The following POU6F2 variants were observed in gnomAD, a reference collection of about 807,000 sequenced individuals.
POU6F2 encodes POU domain, class 6, transcription factor 2.
In POU6F2, 31 loss-of-function variants were observed where a neutral mutation model predicts 71.3. That is an observed-to-expected ratio of 0.43 (90% CI 0.33 to 0.59). The LOEUF (loss-of-function observed/expected upper bound fraction) is 0.59. Among genes scored for constraint, POU6F2 ranks in the 20% least tolerant of loss-of-function variants. The probability of loss-of-function intolerance (pLI) is 0.04; values close to 1 mark genes in which losing one functional copy is unlikely to be tolerated. For synonymous variants in POU6F2, 347 were observed against 355.7 expected (o/e 0.98, Z 0.27); for missense variants, 783 against 856.8 (o/e 0.91, Z 1.07).
At chr7:39,064,691 A>G (rs1207016125) in intron 1 of POU6F2, among the ~76,000 whole-genome samples, 3 of 151,928 alleles carry the variant, frequency 2.0e-5, no homozygotes, top group Non-Finnish European at 4.4e-5. Flanking sequence ...CATTAAAAAT[A>G]TGACAGCAGA....
intron 2 of POU6F2, among the ~76,000 whole-genome samples, chr7:39,196,476 G>A (rs904514697): frequency 7.2e-5 from 11 of 152,144 alleles, no homozygotes; most frequent in African/African-American, 2.4e-4. Flanking sequence ...CACTAATTTG[G>A]GCCGGGCGCA....
intron 1 of POU6F2, among the ~76,000 whole-genome samples, chr7:39,029,573 T>C (rs757777384): frequency 1.3e-5 from 2 of 152,102 alleles, no homozygotes; most frequent in Non-Finnish European, 2.9e-5. Context: ...AAGCCCTGAC[T>C]TCACAACACC....
In POU6F2 at chr7:39,464,679, A is replaced by G. The variant is rs1789028320; in HGVS notation, c.2156A>G (p.Asn719Ser). 6.3e-7 allele frequency: 1 copy of G among 1,597,898 alleles called. No homozygotes were observed. ...LEPLTDSLEE[N>S]S ...CCCTTAACAGACTCTCTGGAAGAAAACTCCTAAAGAGATGCCCACCCATAA... is the reference window on the plus strand; with the variant it reads ...CCCTTAACAGACTCTCTGGAAGAAAGCTCCTAAAGAGATGCCCACCCATAA... The change falls in exon 10 of 10, where the codon AAC becomes AGC. Residue 719 changes from asparagine (N) to serine (S), a missense_variant. Physicochemically the swap from Asn to Ser is conservative, Grantham distance 46. Around this residue, in one of 2 missense-constraint regions of POU6F2, gnomAD observed 211 missense variants for 283.9 expected, o/e 0.74. Coordinates refer to ENST00000518318, the MANE Select transcript of POU6F2 (RefSeq NM_001370959.1). This position sits in a 1 kb window ranked among gnomAD's most constrained non-coding sequence, Gnocchi z 4.1.
intron 2 of POU6F2, among the ~76,000 whole-genome samples, chr7:39,134,238 G>A (rs113361635): frequency 2.8e-4 from 43 of 152,058 alleles, no homozygotes; most frequent in African/African-American, 1.0e-3. Flanking sequence ...TTACTTTATT[G>A]CCGAATGATG....
chr7:39,194,675 C>T (rs977194004), intron 2 of POU6F2, among the ~76,000 whole-genome samples: 32 of 77,922 alleles, frequency 4.1e-4, no homozygotes, highest in African/African-American at 1.2e-3. Context: ...TAACCCACTC[C>T]GGTCCCCTTC....
intron 4 of POU6F2, among the ~76,000 whole-genome samples, chr7:39,275,645 CA>C (rs1287115464): frequency 6.6e-6 from 1 of 152,206 alleles, no homozygotes; most frequent in Non-Finnish European, 1.5e-5. Context: ...TACCTGACTT[CA>C]AACTATACTA....
chr7:38,983,395 C>CTT (rs5883668), intron 1 of POU6F2, among the ~76,000 whole-genome samples: 8 of 130,572 alleles, frequency 6.1e-5, no homozygotes, highest in African/African-American at 2.3e-4. Flanking sequence ...TCCCTCCTTT[C>CTT]TTTTTTTTTT....
intron 6 of POU6F2, among the ~76,000 whole-genome samples, chr7:39,420,517 G>A (rs546708304): frequency 2.8e-4 from 43 of 152,186 alleles, no homozygotes; most frequent in Non-Finnish European, 5.6e-4. Context: ...CATCTAGACT[G>A]GTTCCTGAAA....
Position 39,173,763 on chromosome 7 carries a change from G to A in POU6F2, c.278-30472G>A, listed in dbSNP as rs531727988. 2.0e-5 allele frequency among the ~76,000 whole-genome samples: 3 copies of A among 152,248 alleles called. No individual in the cohort carries two copies. The East Asian group carries it at 5.8e-4, about 29-fold the overall frequency. Reference sequence around the variant, plus strand: ...GGCTCCTTTTGGTCCTCCTCTAATAGAGGCCTACACTATTTCCTCCTGGCC... The same window carrying A: ...GGCTCCTTTTGGTCCTCCTCTAATAAAGGCCTACACTATTTCCTCCTGGCC... On this transcript the variant is annotated intron_variant, in intron 2 of 9. Coordinates refer to ENST00000518318, the MANE Select transcript of POU6F2 (RefSeq NM_001370959.1).
intron 8 of POU6F2, among the ~76,000 whole-genome samples, chr7:39,455,550 T>G (rs1788781031): frequency 6.6e-6 from 1 of 152,208 alleles, no homozygotes. Flanking sequence ...TTACATAACA[T>G]AGTTAATTAA....
chr7:39,431,197 C>G (rs1788090982), intron 6 of POU6F2, among the ~76,000 whole-genome samples: 1 of 152,216 alleles, frequency 6.6e-6, no homozygotes, highest in South Asian at 2.1e-4. Context: ...GCTGACCACT[C>G]TCACAGTAAT....
intron 2 of POU6F2, among the ~76,000 whole-genome samples, chr7:39,104,963 GT>G (rs1312568836): frequency 2.0e-5 from 3 of 152,174 alleles, no homozygotes; most frequent in African/African-American, 4.8e-5. Context: ...TGCATGTTTA[GT>G]TCTCCTGAAG....
Position 39,339,740 on chromosome 7 carries a change from CACCCGCAACCAGCCCCACAGG to C in POU6F2, c.698_718del (p.His233_Ala240delinsPro). On this transcript the variant is annotated inframe_deletion, in exon 5 of 10. Transcript: ENST00000518318. ...GCAGCCTCCCCCGTCAACCAACCAG[CACCCGCAACCAGCCCCACAGG>C]CGCCCTCGCAGTCCCAGCAGCAGCC... The C allele has an allele frequency of 1.2e-6, 2 of 1,602,798 alleles. No individual in the cohort carries two copies. Among genetic ancestry groups the C allele is most frequent in the Non-Finnish European group, 1.7e-6 (2 of 1,175,182 alleles).
At chr7:39,018,268 G>C (rs1789605788) in intron 1 of POU6F2, among the ~76,000 whole-genome samples, 1 of 152,010 alleles carries the variant, frequency 6.6e-6, no homozygotes, top group Admixed American at 6.6e-5. Flanking sequence ...ATTTTCCTTT[G>C]TATACAATCA....
In POU6F2 at chr7:39,433,273, C is replaced by T. The variant is rs1226845805; in HGVS notation, c.1310C>T (p.Pro437Leu). The T allele has an allele frequency of 3.2e-5, 51 of 1,613,816 alleles. No homozygotes were observed. Among genetic ancestry groups the T allele is most frequent in the Non-Finnish European group, 4.1e-5 (48 of 1,179,882 alleles). ...GGCATCACGCTGTCACCCATCAAGC[C>T]CGGCCAGCAGGTAAATGTTCCAGGC... ...TQGITLSPIK[P>L]GQQLHQPSQT... The change falls in exon 7 of 10, where the codon CCC becomes CTC. Residue 437 changes from proline to leucine, a missense_variant. Pro to Leu is a moderately conservative substitution (Grantham distance 98). Coordinates refer to ENST00000518318, the MANE Select transcript of POU6F2 (RefSeq NM_001370959.1).
chr7:39,069,289 A>G (rs1209148766), intron 1 of POU6F2, among the ~76,000 whole-genome samples: 4 of 152,230 alleles, frequency 2.6e-5, no homozygotes, highest in African/African-American at 9.6e-5. Flanking sequence ...GACTAGGTCA[A>G]AAAGCCCAGA....
chr7:39,275,280 A>G (rs1309322785), intron 4 of POU6F2, among the ~76,000 whole-genome samples: 1 of 152,230 alleles, frequency 6.6e-6, no homozygotes, highest in Non-Finnish European at 1.5e-5. Context: ...GAGCCAAATC[A>G]TGAGTGAACT....
intron 2 of POU6F2, among the ~76,000 whole-genome samples, chr7:39,176,985 A>G (rs1043898239): frequency 6.6e-6 from 1 of 152,212 alleles, no homozygotes; most frequent in Non-Finnish European, 1.5e-5. Context: ...GCCGCATCTC[A>G]TGACTTACTC....
chr7:39,032,905 C>T (rs901834128), intron 1 of POU6F2, among the ~76,000 whole-genome samples: 10 of 152,162 alleles, frequency 6.6e-5, no homozygotes, highest in East Asian at 1.9e-4. Context: ...AATTCTTTAG[C>T]GAGGATTCTC....
Sources: gnomAD v4.1 joint callset for allele counts (sites outside exome capture counted in the v4.1 genomes callset) on GRCh38, gnomAD v4.1.1 for gene constraint, gnomAD v4.1.1 regional missense constraint, Gnocchi (gnomAD v3.1) non-coding constraint, MANE v1.5 for transcripts, NCBI Gene and HGNC (gene_info 2026-07-23, HGNC 2026-07-21) for gene names.